The following TET3 variants were observed in gnomAD, a reference collection of about 807,000 sequenced individuals.
TET3 encodes the protein methylcytosine dioxygenase TET3.
Under a neutral mutation model 141.4 loss-of-function variants are expected in TET3, and 19 were observed. The observed-to-expected ratio is 0.13, with a 90% CI of 0.09 to 0.20. The LOEUF (loss-of-function observed/expected upper bound fraction) is 0.20, where lower values mean the gene tolerates loss of function less well. TET3 is among the 10% of genes least tolerant of loss of function. The pLI is 1.00. For synonymous variants in TET3, 1,043 were observed against 980.9 expected, an observed-to-expected ratio of 1.06 and a Z score of -1.18; for missense variants, 1,874 against 2,356.9, an observed-to-expected ratio of 0.80 and a Z score of 4.24.
chr2:74,110,400 G>A (rs1691672953), downstream of TET3, among the ~76,000 whole-genome samples: 1 of 152,128 alleles, frequency 6.6e-6, no homozygotes, highest in South Asian at 2.1e-4. Context: ...CTTAAGCTTG[G>A]AGAGCTGTTA....
At chr2:74,108,357 T>TATCA (rs1422216039), downstream of TET3, among the ~76,000 whole-genome samples, 62 of 152,380 alleles carry the variant, frequency 4.1e-4, no homozygotes, top group African/African-American at 1.1e-3. Flanking sequence ...GTTCAGAGGC[T>TATCA]ATCAGCTGTT....
At chr2:74,069,552 C>T (rs1406082894) in intron 4 of TET3, among the ~76,000 whole-genome samples, 1 of 151,656 alleles carries the variant, frequency 6.6e-6, no homozygotes, top group Admixed American at 6.6e-5. Context: ...TAGACCACTT[C>T]TAGCCCCCCA....
the TET3 span, among the ~76,000 whole-genome samples, chr2:74,131,784 G>T: frequency 6.6e-6 from 1 of 152,070 alleles, no homozygotes. Flanking sequence ...CTAGGAGGTG[G>T]CTACATCCGA....
At chr2:74,018,744 CTTT>C (rs10717099) in intron 3 of TET3, among the ~76,000 whole-genome samples, 4 of 137,100 alleles carry the variant, frequency 2.9e-5, no homozygotes, top group Admixed American at 1.5e-4. Flanking sequence ...ATACTTCTTA[CTTT>C]TTTTTTTTTT....
chr2:74,006,183 C>G (rs886191625), intron 3 of TET3, among the ~76,000 whole-genome samples: 5 of 152,230 alleles, frequency 3.3e-5, no homozygotes, highest in African/African-American at 1.2e-4. Flanking sequence ...CTTCCTACTT[C>G]CAGCCACTTC....
intron 1 of TET3, among the ~76,000 whole-genome samples, chr2:73,985,373 G>A (rs1392367119): frequency 6.9e-6 from 1 of 144,420 alleles, no homozygotes; most frequent in Admixed American, 6.8e-5. Flanking sequence ...CCGCCGGAGC[G>A]GAGTGGCGGA....
intron 3 of TET3, among the ~76,000 whole-genome samples, chr2:74,003,658 TGGAGA>T (rs1460872577): frequency 2.8e-5 from 4 of 145,202 alleles, no homozygotes; most frequent in Admixed American, 6.8e-5. Flanking sequence ...TGGAGATGGC[TGGAGA>T]GGAGAGGAGG....
intron 10 of TET3, 93 bp from the exon 11 acceptor site, chr2:74,099,183 A>G (rs1558793161): frequency 8.7e-7 from 1 of 1,145,828 alleles, no homozygotes; most frequent in Admixed American, 2.5e-5. Flanking sequence ...GTGTGGGGAA[A>G]GATGAGGTCA....
intron 3 of TET3, among the ~76,000 whole-genome samples, chr2:74,011,525 CTGAG>C: frequency 6.6e-6 from 1 of 152,332 alleles, no homozygotes; most frequent in Middle Eastern, 3.4e-3. Context: ...GCTCCTGAAA[CTGAG>C]TGGGTTCCCC....
chr2:74,067,302 AAAAACAT>A (rs1688957919), intron 4 of TET3, among the ~76,000 whole-genome samples: 2 of 152,262 alleles, frequency 1.3e-5, no homozygotes. Flanking sequence ...TCTATTATGT[AAAAACAT>A]TATTTTAACT....
At chr2:74,020,651 C>G (rs951091037) in intron 3 of TET3, among the ~76,000 whole-genome samples, 3 of 152,226 alleles carry the variant, frequency 2.0e-5, no homozygotes, top group Non-Finnish European at 2.9e-5. Flanking sequence ...ATGGTGATGT[C>G]TACCTGCCTT....
the TET3 span, chr2:74,121,671 T>C: frequency 6.6e-6 from 1 of 152,212 alleles, no homozygotes; most frequent in African/African-American, 2.4e-5. Context: ...AATGAGCTCG[T>C]TATCAAACCC....
intron 2 of TET3, among the ~76,000 whole-genome samples, chr2:73,996,573 A>G (rs1452903745): frequency 6.6e-6 from 1 of 152,074 alleles, no homozygotes; most frequent in Non-Finnish European, 1.5e-5. Flanking sequence ...CAATGGCATG[A>G]TCTTGGCTCA....
At chr2:74,030,063 G>A (rs1327424404) in intron 3 of TET3, among the ~76,000 whole-genome samples, 1 of 152,180 alleles carries the variant, frequency 6.6e-6, no homozygotes, top group Non-Finnish European at 1.5e-5. Context: ...CTATCCAAGA[G>A]AAAGGACTCT....
At chr2:74,075,383 C>T (rs1236144040) in intron 5 of TET3, among the ~76,000 whole-genome samples, 1 of 127,284 alleles carries the variant, frequency 7.9e-6, no homozygotes, top group Non-Finnish European at 1.5e-5. Flanking sequence ...GTCTGGAGTG[C>T]AGTGGTGTGG....
At chr2:74,054,058 A>C (rs1271152513) in intron 4 of TET3, among the ~76,000 whole-genome samples, 3 of 152,156 alleles carry the variant, frequency 2.0e-5, no homozygotes, top group Non-Finnish European at 4.4e-5. Context: ...GTTTATGCAG[A>C]TGAAAGACAT....
intron 8 of TET3, 41 bp from the exon 9 acceptor site, chr2:74,092,861 G>A: frequency 6.5e-7 from 1 of 1,527,468 alleles, no homozygotes; most frequent in Non-Finnish European, 8.9e-7. Context: ...GGTCTGCCAG[G>A]CGGGGCTGCT....
At chr2:73,998,080 G>C (rs1436586643) in intron 2 of TET3, among the ~76,000 whole-genome samples, 1 of 152,200 alleles carries the variant, frequency 6.6e-6, no homozygotes, top group Non-Finnish European at 1.5e-5. Flanking sequence ...CGGCAGGGGT[G>C]TGGAAGGATG....
chr2:74,046,874 C>T lies in TET3; in HGVS notation c.957C>T (p.Ser319=). The change falls in exon 4 of 12, where the codon AGC becomes AGT. Residue 319 remains serine (S), a synonymous_variant. Coordinates refer to ENST00000409262, the MANE Select transcript of TET3 (RefSeq NM_001287491.2). The surrounding 1 kb of genome is among the most constrained non-coding windows in gnomAD (Gnocchi z 4.3). The part of the protein sequence containing the change: ...PPGEAGLPAP[S]TRPLLSSEVP... ...GTGAGGCCGGCCTCCCAGCACCAAG[C>T]ACCAGGCCACTCCTCAGCTCAGAGG... The T allele has an allele frequency of 6.2e-7, 1 of 1,613,664 alleles. No individual in the cohort carries two copies. Among genetic ancestry groups the T allele is most frequent in the Non-Finnish European group, 8.5e-7 (1 of 1,179,866 alleles).
Sources: gnomAD v4.1 joint callset for allele counts (sites outside exome capture counted in the v4.1 genomes callset) on GRCh38, gnomAD v4.1.1 for gene constraint, Gnocchi (gnomAD v3.1) non-coding constraint, MANE v1.5 for transcripts, NCBI Gene and HGNC (gene_info 2026-07-23, HGNC 2026-07-21) for gene names.